Variants in SASH1 observed in about 807,000 individuals in gnomAD.
SASH1 encodes SAM and SH3 domain-containing protein 1.
SASH1 carries 44 observed loss-of-function variants against 125.2 expected under a neutral mutation model. The observed-to-expected ratio is 0.35, with a 90% CI of 0.28 to 0.45. The LOEUF (loss-of-function observed/expected upper bound fraction) is 0.45. Among genes scored for constraint, SASH1 ranks in the 20% least tolerant of loss-of-function variants. The pLI is 1.00. For missense variants in SASH1, 1,426 were observed against 1,614.5 expected, an observed-to-expected ratio of 0.88 and a Z score of 2.00; for synonymous variants, 639 against 649.1, an observed-to-expected ratio of 0.98 and a Z score of 0.24.
chr6:148,307,034 TTC>T (rs1387603152), intron 1 of SASH1, among the ~76,000 whole-genome samples: 895 of 72,374 alleles, frequency 0.012, 11 homozygotes, highest in African/African-American at 0.057. Flanking sequence ...TTTTCTTTCT[TTC>T]TTTCTTTCTT....
chr6:148,260,638 A>G, the SASH1 span, among the ~76,000 whole-genome samples: 1 of 151,550 alleles, frequency 6.6e-6, no homozygotes, highest in Non-Finnish European at 1.5e-5. Context: ...ATTTTAAAAT[A>G]TTGCTTAAAT....
chr6:148,409,931 T>A (rs1283642975), intron 2 of SASH1, among the ~76,000 whole-genome samples: 1 of 151,534 alleles, frequency 6.6e-6, no homozygotes, highest in African/African-American at 2.4e-5. Flanking sequence ...AGAGCAAGAC[T>A]CCATCTCAAA....
intron 2 of SASH1, among the ~76,000 whole-genome samples, chr6:148,397,159 TC>T (rs1003204097): frequency 7.2e-5 from 11 of 152,256 alleles, no homozygotes; most frequent in African/African-American, 2.6e-4. Context: ...CACATCCCAC[TC>T]ACACTTCATG....
rs200580845 is a variant in SASH1 at position 148,544,445 on chromosome 6, G to T, written c.2975G>T (p.Ser992Ile). The change falls in exon 18 of 20, where the codon AGC becomes ATC. Residue 992 changes from serine to isoleucine, a missense_variant. Physicochemically the swap from Ser to Ile is moderately radical, Grantham distance 142 (BLOSUM62 -2). This residue lies in a region of SASH1 where 634 missense variants were observed against 694.4 expected (regional missense o/e 0.91). Transcript: ENST00000367467. The surrounding 1 kb of genome is among the most constrained non-coding windows in gnomAD (Gnocchi z 6.4). ...CCTCCACCTGTTCCTGCCAAAAAGA[G>T]CAGAGAACGCCTTGCTAACGGACTC... is the stretch of plus-strand genomic sequence containing the variant. The part of the protein sequence containing the change: ...SQPPPVPAKK[S>I]RERLANGLHP... 1.3e-4 allele frequency: 210 copies of T among 1,614,082 alleles called. 1 individual carries two copies. The highest frequency in any genetic ancestry group is 8.2e-4 in the Middle Eastern group (5 of 6,084).
At chr6:148,460,789 G>A (rs891341363) in intron 4 of SASH1, among the ~76,000 whole-genome samples, 1 of 152,108 alleles carries the variant, frequency 6.6e-6, no homozygotes, top group Non-Finnish European at 1.5e-5. Flanking sequence ...GTTGTTTTTT[G>A]TAATTCTAAA....
the SASH1 span, among the ~76,000 whole-genome samples, chr6:148,195,030 T>G: frequency 5.8e-4 from 88 of 152,370 alleles, no homozygotes; most frequent in Middle Eastern, 6.8e-3. Flanking sequence ...GTATTATTAT[T>G]TCTAAACATA....
the SASH1 span, among the ~76,000 whole-genome samples, chr6:148,265,996 G>C: frequency 4.0e-5 from 6 of 148,958 alleles, no homozygotes; most frequent in Non-Finnish European, 5.9e-5. Flanking sequence ...TTTTGAGACA[G>C]AGCTTTGCTC....
chr6:148,467,554 C>T (rs965636123), intron 4 of SASH1, among the ~76,000 whole-genome samples: 2 of 152,076 alleles, frequency 1.3e-5, no homozygotes, highest in Non-Finnish European at 1.5e-5. Flanking sequence ...AAATTCGATG[C>T]CCAGACATGT....
At chr6:148,367,500 G>A (rs190925174) in intron 1 of SASH1, among the ~76,000 whole-genome samples, 235 of 152,354 alleles carry the variant, frequency 1.5e-3, no homozygotes, top group Non-Finnish European at 2.8e-3. Flanking sequence ...TCTTGTTTAC[G>A]TCCTCGGGCT....
intron 7 of SASH1, among the ~76,000 whole-genome samples, chr6:148,483,162 G>C (rs1385972398): frequency 6.6e-6 from 1 of 152,128 alleles, no homozygotes; most frequent in African/African-American, 2.4e-5. Context: ...CGAGAGATTG[G>C]TCATCTAGTG....
At chr6:148,304,192 A>G (rs954008781) in intron 1 of SASH1, among the ~76,000 whole-genome samples, 2 of 152,182 alleles carry the variant, frequency 1.3e-5, no homozygotes, top group African/African-American at 4.8e-5. Context: ...TAATCCCAGC[A>G]CTTTGGGAGG....
At chr6:148,289,598 T>A (rs1779572521) in intron 1 of SASH1, among the ~76,000 whole-genome samples, 1 of 152,204 alleles carries the variant, frequency 6.6e-6, no homozygotes, top group South Asian at 2.1e-4. Flanking sequence ...AGGTTTCTTT[T>A]TAAGCCTGAT....
intron 2 of SASH1, among the ~76,000 whole-genome samples, chr6:148,406,155 A>G (rs1345997810): frequency 6.6e-6 from 1 of 152,116 alleles, no homozygotes; most frequent in African/African-American, 2.4e-5. Flanking sequence ...GGAGATGACA[A>G]TTTTGAACAC....
intron 1 of SASH1, among the ~76,000 whole-genome samples, chr6:148,367,257 T>C (rs983562290): frequency 1.3e-5 from 2 of 152,198 alleles, no homozygotes; most frequent in African/African-American, 2.4e-5. Context: ...ATTAGGTTGG[T>C]GCAAAAGTAA....
chr6:148,462,061 C>CG (rs909691830), intron 4 of SASH1, among the ~76,000 whole-genome samples: 3 of 152,070 alleles, frequency 2.0e-5, no homozygotes, highest in Non-Finnish European at 4.4e-5. Flanking sequence ...GAAAAGGCTG[C>CG]TACTGGCTTT....
intron 8 of SASH1, among the ~76,000 whole-genome samples, chr6:148,506,503 A>G (rs117168243): frequency 3.9e-4 from 59 of 152,150 alleles, no homozygotes; most frequent in African/African-American, 1.3e-3. Flanking sequence ...TAATAGTAAA[A>G]ATATTAAGTC....
the SASH1 span, among the ~76,000 whole-genome samples, chr6:148,238,109 T>C: frequency 6.6e-6 from 1 of 152,204 alleles, no homozygotes; most frequent in African/African-American, 2.4e-5. Flanking sequence ...TTTACTCAAA[T>C]GTAACCTTCT....
At chr6:148,239,119 C>T in the SASH1 span, among the ~76,000 whole-genome samples, 2 of 152,098 alleles carry the variant, frequency 1.3e-5, no homozygotes, top group African/African-American at 4.8e-5. Flanking sequence ...GGCTTCTGAA[C>T]TTATTTGAGG....
chr6:148,420,114 A>T (rs1784993907), intron 2 of SASH1, among the ~76,000 whole-genome samples: 1 of 152,186 alleles, frequency 6.6e-6, no homozygotes, highest in Non-Finnish European at 1.5e-5. Flanking sequence ...TGTAGAAAAG[A>T]AGTTTGTTAT....
Sources: gnomAD v4.1 joint callset for allele counts (sites outside exome capture counted in the v4.1 genomes callset) on GRCh38, gnomAD v4.1.1 for gene constraint, gnomAD v4.1.1 regional missense constraint, Gnocchi (gnomAD v3.1) non-coding constraint, MANE v1.5 for transcripts, NCBI Gene and HGNC (gene_info 2026-07-23, HGNC 2026-07-21) for gene names.